NFASC: variants seen among roughly 807,000 people sequenced by gnomAD.
The protein encoded by NFASC is neurofascin homolog.
NFASC carries 43 observed loss-of-function variants against 147.5 expected under a neutral mutation model. That is an observed-to-expected ratio of 0.29 (90% CI 0.23 to 0.38). The LOEUF is 0.38. Among genes scored for constraint, NFASC ranks in the 10% least tolerant of loss-of-function variants. NFASC has a pLI of 1.00. For synonymous variants in NFASC, 622 were observed against 665.5 expected, an observed-to-expected ratio of 0.93 and a Z score of 1.01; for missense variants, 1,320 against 1,689.0, an observed-to-expected ratio of 0.78 and a Z score of 3.83.
rs960268942 is a variant in NFASC, at chr1:205,009,337, C to A, written c.3290-220C>A. 4.3e-5 allele frequency: 30 copies of A among 694,696 alleles called. No individual in the cohort carries two copies. The African/African-American group carries it at 5.2e-4, about 12-fold the overall frequency. The allele number at this position is 694,696 out of a possible 1,614,324, so 43.0% of individuals were successfully genotyped here. On this transcript the variant is annotated intron_variant, in intron 27 of 29. Transcript: ENST00000339876. The stretch of plus-strand genomic sequence containing the variant: ...CTTCTGCTTATTTGCTCCTTGTACC[C>A]CTTTCCTTTGCCTCTTTTCTGATCT...
intron 2 of NFASC, among the ~76,000 whole-genome samples, chr1:204,931,779 A>C (rs1018036904): frequency 6.6e-6 from 1 of 152,118 alleles, no homozygotes; most frequent in Non-Finnish European, 1.5e-5. Flanking sequence ...GGTGTCAATT[A>C]TTAGAGTCAT....
At chr1:204,867,117 G>T (rs2077171201) in intron 1 of NFASC, among the ~76,000 whole-genome samples, 1 of 152,146 alleles carries the variant, frequency 6.6e-6, no homozygotes, top group Non-Finnish European at 1.5e-5. Flanking sequence ...GCTGACAAGG[G>T]GGGACCCCTA....
At chr1:204,850,737 C>G (rs148918422) in intron 1 of NFASC, among the ~76,000 whole-genome samples, 274 of 152,348 alleles carry the variant, frequency 1.8e-3, no homozygotes, top group African/African-American at 6.2e-3. Flanking sequence ...AGCCATGCTT[C>G]TGTACAGCCT....
rs1234782327 is a variant in NFASC at position 204,979,640 on chromosome 1, T to G, written c.2176+81T>G. On this transcript the variant is annotated intron_variant, in intron 19 of 29. Coordinates refer to ENST00000339876, the MANE Select transcript of NFASC (RefSeq NM_001005388.3). The surrounding 1 kb of genome is among the most constrained non-coding windows in gnomAD (Gnocchi z 6.0). ...ACTGAGATCCCCCCATTCCCAGCCA[T>G]GTGAACTTAGGTTACTTAACTTCTC... 3 of 1,357,328 alleles carry G rather than the reference T, an allele frequency of 2.2e-6. No individual in the cohort carries two copies. Among genetic ancestry groups the G allele is most frequent in the Admixed American group, 1.7e-5 (1 of 59,434 alleles). 84.1% of individuals were successfully genotyped at this position (1,357,328 alleles called of 1,614,324 possible).
intron 1 of NFASC, among the ~76,000 whole-genome samples, chr1:204,899,366 C>T (rs567554614): frequency 2.6e-5 from 4 of 152,274 alleles, no homozygotes; most frequent in South Asian, 2.1e-4. Flanking sequence ...TGCTCATAGC[C>T]CTGGCAAGAG....
intron 3 of NFASC, among the ~76,000 whole-genome samples, chr1:204,946,074 G>A (rs2149826714): frequency 6.6e-6 from 1 of 152,296 alleles, no homozygotes; most frequent in East Asian, 1.9e-4. Context: ...GCTCTCCAAA[G>A]CCCCACCTGT....
At chr1:204,830,455 A>G (rs913516963) in intron 1 of NFASC, among the ~76,000 whole-genome samples, 6 of 152,096 alleles carry the variant, frequency 3.9e-5, no homozygotes, top group African/African-American at 1.2e-4. Context: ...GCATTGCAGG[A>G]AGAATTGAAG....
chr1:204,906,163 T>C lies in NFASC; in HGVS notation c.-199-14469T>C, dbSNP rs576669866. On this transcript the variant is annotated intron_variant, in intron 1 of 29. Transcript: ENST00000339876. ...TGTATCTTCATTGTTTTCTAGGTTT[T>C]AACTTCTCATATATCTTAAGGCTTT... Among the ~76,000 whole-genome samples, 16 of 152,344 alleles carry C rather than the reference T, an allele frequency of 1.1e-4. No individual in the cohort carries two copies. In the East Asian group the frequency reaches 2.7e-3, roughly 26 times the overall value.
chr1:204,987,192 G>A lies in NFASC; in HGVS notation c.2471-226G>A. 8.9e-6 allele frequency: 5 copies of A among 559,730 alleles called. No homozygotes were observed. Among genetic ancestry groups the A allele is most frequent in the African/African-American group, 1.9e-5 (1 of 53,264 alleles). The allele number at this position is 559,730 out of a possible 1,614,324, so 34.7% of individuals were successfully genotyped here. A position where few individuals can be genotyped will look rare whatever the true frequency, so the allele number is the denominator to read the frequency against. ...GATTTACTTCTTCCTCTCTTAAATA[G>A]CAGAGTCTGAGCTATGTTTGTCCTC... On this transcript the variant is annotated intron_variant, in intron 21 of 29. Coordinates refer to ENST00000339876, the MANE Select transcript of NFASC (RefSeq NM_001005388.3). This position sits in a 1 kb window ranked among gnomAD's most constrained non-coding sequence, Gnocchi z 4.4.
intron 1 of NFASC, among the ~76,000 whole-genome samples, chr1:204,875,799 C>T (rs978160847): frequency 3.3e-5 from 5 of 152,156 alleles, no homozygotes; most frequent in Non-Finnish European, 5.9e-5. Flanking sequence ...CTCCCCACTC[C>T]CACAAATCTC....
intron 11 of NFASC, among the ~76,000 whole-genome samples, chr1:204,970,970 T>C (rs1414863545): frequency 6.6e-6 from 1 of 152,182 alleles, no homozygotes; most frequent in African/African-American, 2.4e-5. Flanking sequence ...TGTGGTCATA[T>C]TCCCATGCTT....
In NFASC at chr1:204,997,612, GAC is replaced by G. The variant is rs1241903225; in HGVS notation, c.3019+217_3019+218del. 28 of 642,998 alleles carry G rather than the reference GAC, an allele frequency of 4.4e-5. 1 individual carries two copies. Among genetic ancestry groups the G allele is most frequent in the South Asian group, 4.3e-4 (24 of 55,476 alleles). The allele number at this position is 642,998 out of a possible 1,614,324, so 39.8% of individuals were successfully genotyped here. A position where few individuals can be genotyped will look rare whatever the true frequency, so the allele number is the denominator to read the frequency against. The stretch of plus-strand genomic sequence containing the variant: ...GCCCAGATCTCCCCAGCCTGGCCCT[GAC>G]ACACACACACTCCTTGGGTGGTCCT... On this transcript the variant is annotated intron_variant, in intron 25 of 29. Coordinates refer to ENST00000339876, the MANE Select transcript of NFASC (RefSeq NM_001005388.3).
At chr1:204,868,691 G>A (rs2077319849) in intron 1 of NFASC, among the ~76,000 whole-genome samples, 1 of 152,174 alleles carries the variant, frequency 6.6e-6, no homozygotes, top group Admixed American at 6.5e-5. Flanking sequence ...ACTGCAAAGC[G>A]ATGGCTTCCA....
intron 7 of NFASC, among the ~76,000 whole-genome samples, chr1:204,956,091 C>T (rs1377601036): frequency 6.6e-6 from 1 of 152,220 alleles, no homozygotes; most frequent in Non-Finnish European, 1.5e-5. Context: ...GTTGTGTTCA[C>T]TCTGCCTCCC....
chr1:204,948,016 ACACT>A (rs758863455), intron 3 of NFASC, among the ~76,000 whole-genome samples: 8 of 152,286 alleles, frequency 5.3e-5, no homozygotes, highest in African/African-American at 1.9e-4. Flanking sequence ...ACACTTATGC[ACACT>A]CACTCCCACT....
chr1:204,851,546 T>A (rs2075698180), intron 1 of NFASC, among the ~76,000 whole-genome samples: 1 of 152,074 alleles, frequency 6.6e-6, no homozygotes, highest in Admixed American at 6.5e-5. Flanking sequence ...TTGGCCAGGC[T>A]GTTCTCAAAC....
At chr1:204,896,036 G>A (rs1192326445) in intron 1 of NFASC, among the ~76,000 whole-genome samples, 1 of 152,180 alleles carries the variant, frequency 6.6e-6, no homozygotes, top group Non-Finnish European at 1.5e-5. Context: ...TTGTTTAGGA[G>A]CTTCTGAGCT....
chr1:205,020,705 G>A lies in NFASC; in HGVS notation c.*4166G>A, dbSNP rs1179073766. 1 of 152,260 alleles carries A rather than the reference G, an allele frequency of 6.6e-6. No homozygotes were observed. The highest frequency in any genetic ancestry group is 2.4e-5 in the African/African-American group (1 of 41,466). The allele number at this position is 152,260 out of a possible 1,614,324, so 9.4% of individuals were successfully genotyped here. Reference sequence around the variant, plus strand: ...GGGAGCAGGGACATAGCACATTTTTGTCTGTCTTTGTGAGGCTGCTTTGCT... The same window carrying A: ...GGGAGCAGGGACATAGCACATTTTTATCTGTCTTTGTGAGGCTGCTTTGCT... On this transcript the variant is annotated 3_prime_UTR_variant, in exon 30 of 30. Coordinates refer to ENST00000339876, the MANE Select transcript of NFASC (RefSeq NM_001005388.3).
At chr1:205,009,190 C>T (rs1238316702) in intron 27 of NFASC, 1 of 371,054 alleles carries the variant, frequency 2.7e-6, no homozygotes, top group Non-Finnish European at 5.2e-6. Flanking sequence ...GGGAATCATA[C>T]TTCCATGGCC....
Sources: gnomAD v4.1 joint callset for allele counts (sites outside exome capture counted in the v4.1 genomes callset) on GRCh38, gnomAD v4.1.1 for gene constraint, Gnocchi (gnomAD v3.1) non-coding constraint, MANE v1.5 for transcripts, NCBI Gene and HGNC (gene_info 2026-07-23, HGNC 2026-07-21) for gene names.